Variants in SLC35D4 observed in about 807,000 individuals in gnomAD.
SLC35D4 encodes the protein solute carrier family 35 member D4, also known as UDP-N-acetylglucosamine transporter SLC35D4.
At chr18:23,310,406 G>C in the SLC35D4 span, 2 of 409,746 alleles carry the variant, frequency 4.9e-6, no homozygotes, top group African/African-American at 4.3e-5. Context: ...GCAGCCACAG[G>C]ACTCAGACCC....
chr18:23,380,024 G>A, the SLC35D4 span, among the ~76,000 whole-genome samples: 30 of 152,248 alleles, frequency 2.0e-4, no homozygotes, highest in African/African-American at 6.3e-4. Flanking sequence ...TTAGAACCGG[G>A]AGGCGGAGAT....
At chr18:23,398,013 G>C in the SLC35D4 span, among the ~76,000 whole-genome samples, 1 of 152,208 alleles carries the variant, frequency 6.6e-6, no homozygotes, top group African/African-American at 2.4e-5. Context: ...AGTGGGCTGT[G>C]ATTGTGCCAC....
chr18:23,383,521 G>A, the SLC35D4 span, among the ~76,000 whole-genome samples: 185 of 152,136 alleles, frequency 1.2e-3, 1 homozygote, highest in African/African-American at 4.1e-3. Context: ...GAACGGCGGG[G>A]GCAGAAGCAG....
At chr18:23,341,770 G>A in the SLC35D4 span, among the ~76,000 whole-genome samples, 6 of 152,158 alleles carry the variant, frequency 3.9e-5, no homozygotes, top group South Asian at 2.1e-4. Context: ...TGATGTACCC[G>A]AGGCTGGAAG....
the SLC35D4 span, chr18:23,257,123 T>G: frequency 5.3e-6 from 7 of 1,313,670 alleles, no homozygotes; most frequent in Middle Eastern, 1.9e-4. Flanking sequence ...AAAGTGGATT[T>G]CTCCTGAGCA....
the SLC35D4 span, among the ~76,000 whole-genome samples, chr18:23,385,577 G>A: frequency 2.0e-5 from 3 of 152,192 alleles, no homozygotes; most frequent in African/African-American, 4.8e-5. Flanking sequence ...AGGAGAGAGC[G>A]GATCCATCTT....
chr18:23,357,091 C>T, the SLC35D4 span, among the ~76,000 whole-genome samples: 1 of 152,188 alleles, frequency 6.6e-6, no homozygotes, highest in African/African-American at 2.4e-5. Context: ...TACCAGGCAG[C>T]CAACCCTGCA....
chr18:23,364,423 C>T, the SLC35D4 span, among the ~76,000 whole-genome samples: 1 of 152,162 alleles, frequency 6.6e-6, no homozygotes. Flanking sequence ...CTCCACGAAG[C>T]CACAAGGAGC....
At chr18:23,343,176 G>T in the SLC35D4 span, among the ~76,000 whole-genome samples, 3 of 152,310 alleles carry the variant, frequency 2.0e-5, no homozygotes, top group Admixed American at 2.0e-4. Flanking sequence ...ACCTGCCTCG[G>T]CTTCCCAGAG....
chr18:23,422,465 A>G, the SLC35D4 span, among the ~76,000 whole-genome samples: 3 of 151,914 alleles, frequency 2.0e-5, no homozygotes, highest in Admixed American at 6.6e-5. Context: ...ATTTATCCCC[A>G]TAACAGCATT....
the SLC35D4 span, among the ~76,000 whole-genome samples, chr18:23,275,033 G>C: frequency 3.3e-5 from 5 of 149,288 alleles, no homozygotes; most frequent in Non-Finnish European, 5.9e-5. Flanking sequence ...GTGTCTGCTT[G>C]TATTTTGTGT....
the SLC35D4 span, among the ~76,000 whole-genome samples, chr18:23,269,198 CCATGTGA>C: frequency 1.2e-4 from 19 of 152,294 alleles, no homozygotes; most frequent in African/African-American, 4.6e-4. Context: ...CCCATAATCC[CCATGTGA>C]CATGGGAGGG....
chr18:23,365,281 C>T, the SLC35D4 span, among the ~76,000 whole-genome samples: 9 of 152,040 alleles, frequency 5.9e-5, no homozygotes, highest in Non-Finnish European at 1.5e-5. Context: ...AACTTTTGAA[C>T]TTTTTCACCA....
chr18:23,373,051 C>T, the SLC35D4 span, among the ~76,000 whole-genome samples: 4 of 152,126 alleles, frequency 2.6e-5, no homozygotes, highest in South Asian at 2.1e-4. Context: ...CAGTGGCTCA[C>T]GCCTGTAATA....
At chr18:23,363,653 C>T in the SLC35D4 span, among the ~76,000 whole-genome samples, 344 of 152,238 alleles carry the variant, frequency 2.3e-3, 6 homozygotes, top group Admixed American at 0.021. Context: ...GGATTACAGG[C>T]GTGAGTCACC....
chr18:23,367,832 C>T, the SLC35D4 span, among the ~76,000 whole-genome samples: 1 of 151,804 alleles, frequency 6.6e-6, no homozygotes, highest in Non-Finnish European at 1.5e-5. Context: ...TCATAACTCA[C>T]TGTAACCTTG....
At chr18:23,247,372 C>G in the SLC35D4 span, among the ~76,000 whole-genome samples, 4 of 152,234 alleles carry the variant, frequency 2.6e-5, no homozygotes, top group Non-Finnish European at 2.9e-5. Flanking sequence ...GTGATCCGTC[C>G]AGTTTCCATA....
chr18:23,317,667 C>G, the SLC35D4 span, among the ~76,000 whole-genome samples: 1 of 152,188 alleles, frequency 6.6e-6, no homozygotes. Flanking sequence ...CATACAACTA[C>G]TTTTCTCCCT....
At chr18:23,265,650 C>T in the SLC35D4 span, among the ~76,000 whole-genome samples, 1 of 151,994 alleles carries the variant, frequency 6.6e-6, no homozygotes, top group Admixed American at 6.5e-5. Flanking sequence ...CAGCCCAGAC[C>T]CCTCCCAACA....
Sources: allele counts gnomAD v4.1 joint callset (sites outside exome capture counted in the v4.1 genomes callset), GRCh38; gene constraint gnomAD v4.1.1; transcripts MANE v1.5; gene names NCBI Gene and HGNC (gene_info 2026-07-23, HGNC 2026-07-21).